ZNF454: variants seen among roughly 807,000 people sequenced by gnomAD.
ZNF454 encodes zinc finger protein 454.
In ZNF454, 30 loss-of-function variants were observed where a neutral mutation model predicts 48.2. The observed-to-expected ratio is 0.62, with a 90% CI of 0.47 to 0.84. The LOEUF is 0.84. ZNF454 is among the 40% of genes least tolerant of loss of function. ZNF454 has a pLI of 0.00. For missense variants in ZNF454, 510 were observed against 623.1 expected (o/e 0.82, Z 1.93); for synonymous variants, 204 against 211.4 (o/e 0.97, Z 0.30).
At chr5:178,959,268 A>G (rs1468434773) in intron 4 of ZNF454, among the ~76,000 whole-genome samples, 7 of 152,138 alleles carry the variant, frequency 4.6e-5, no homozygotes, top group African/African-American at 1.7e-4. Context: ...GTCATATATG[A>G]GGTGACTGCA....
the ZNF454 span, chr5:178,982,692 TA>T: frequency 0.24 from 103,890 of 430,602 alleles, 7,970 homozygotes; most frequent in Non-Finnish European, 0.29. Flanking sequence ...ATGAAAATGA[TA>T]AAAAAAAAAA....
chr5:178,983,920 T>C, the ZNF454 span, among the ~76,000 whole-genome samples: 6,505 of 152,186 alleles, frequency 0.043, 230 homozygotes, highest in East Asian at 0.15. Flanking sequence ...GAGCGCCTGA[T>C]TGGGGGCAGG....
At chr5:178,974,119 A>G in the ZNF454 span, among the ~76,000 whole-genome samples, 1 of 152,124 alleles carries the variant, frequency 6.6e-6, no homozygotes, top group African/African-American at 2.4e-5. Context: ...GTTAGAGAGA[A>G]ACTGGATCTT....
At chr5:178,948,580 C>T (rs1759428201) in intron 4 of ZNF454, among the ~76,000 whole-genome samples, 1 of 152,124 alleles carries the variant, frequency 6.6e-6, no homozygotes, top group Non-Finnish European at 1.5e-5. Flanking sequence ...AAGGTACAGC[C>T]AACCACAGTT....
chr5:178,984,239 C>T, the ZNF454 span, among the ~76,000 whole-genome samples: 4 of 152,080 alleles, frequency 2.6e-5, no homozygotes, highest in Admixed American at 2.6e-4. Flanking sequence ...ACAGCGGTAA[C>T]CACCAAAACG....
At chr5:178,989,211 A>AGCCCC in the ZNF454 span, 1 of 121,724 alleles carries the variant, frequency 8.2e-6, no homozygotes, top group Non-Finnish European at 1.3e-5. Flanking sequence ...CCCCCTCCCC[A>AGCCCC]CCCTCACCAC....
At chr5:178,989,068 C>T in the ZNF454 span, 42 of 1,613,878 alleles carry the variant, frequency 2.6e-5, no homozygotes, top group South Asian at 1.3e-4. Flanking sequence ...TGGCGTACAC[C>T]GCATCAATCA....
intron 4 of ZNF454, among the ~76,000 whole-genome samples, chr5:178,947,519 C>T: frequency 6.6e-6 from 1 of 152,174 alleles, no homozygotes; most frequent in East Asian, 1.9e-4. Flanking sequence ...TGCCATGGAG[C>T]CCAGGTTATT....
chr5:178,943,403 C>T (rs1467583613), intron 2 of ZNF454, among the ~76,000 whole-genome samples: 2 of 152,168 alleles, frequency 1.3e-5, no homozygotes, highest in African/African-American at 4.8e-5. Flanking sequence ...CGAGAATTCA[C>T]TCATCACCAA....
At chr5:178,987,132 C>T in the ZNF454 span, 2 of 798,436 alleles carry the variant, frequency 2.5e-6, no homozygotes, top group Non-Finnish European at 4.2e-6. Flanking sequence ...CAGGGAGATC[C>T]CCCTTCACCC....
chr5:178,967,736 CTTTTTCTTTT>C (rs1760184649), downstream of ZNF454, among the ~76,000 whole-genome samples: 48 of 67,858 alleles, frequency 7.1e-4, no homozygotes, highest in African/African-American at 2.1e-3. Context: ...TTTTCTTTTT[CTTTTTCTTTT>C]TTTTTTTTTT....
At chr5:178,955,864 C>T (rs1759726428) in intron 4 of ZNF454, among the ~76,000 whole-genome samples, 1 of 152,130 alleles carries the variant, frequency 6.6e-6, no homozygotes, top group Non-Finnish European at 1.5e-5. Context: ...TCTTTGGTGG[C>T]TTACAGATTG....
chr5:178,960,352 G>C (rs746493840), intron 4 of ZNF454, among the ~76,000 whole-genome samples: 1 of 151,018 alleles, frequency 6.6e-6, no homozygotes, highest in South Asian at 2.1e-4. Context: ...CCACCTCCCC[G>C]GTTCAAGCGA....
Position 178,965,195 on chromosome 5 carries a change from A to G in ZNF454, c.791A>G (p.Lys264Arg). Residue 264 changes from lysine to arginine, a missense_variant, in exon 5 of 5, where the codon AAA becomes AGA. Physicochemically the swap from Lys to Arg is conservative, Grantham distance 26. Coordinates refer to ENST00000519564, the MANE Select transcript of ZNF454 (RefSeq NM_001178089.3). This position sits in a 1 kb window ranked among gnomAD's most constrained non-coding sequence, Gnocchi z 5.2. Reference sequence around the variant, plus strand: ...AGCTCCTCACTTACGTACCATCAGAAAATTCATACTGGAGAGAAGCCTTTT... The same window carrying G: ...AGCTCCTCACTTACGTACCATCAGAGAATTCATACTGGAGAGAAGCCTTTT... ...SVSSSLTYHQ[K>R]IHTGEKPFEC... is the part of the protein sequence containing the mutation. The G allele has an allele frequency of 6.2e-7, 1 of 1,614,090 alleles. No individual in the cohort carries two copies. The highest frequency in any genetic ancestry group is 8.5e-7 in the Non-Finnish European group (1 of 1,180,010).
chr5:178,987,022 C>T, the ZNF454 span: 10 of 1,604,146 alleles, frequency 6.2e-6, no homozygotes, highest in South Asian at 1.1e-5. Flanking sequence ...GTCCTCCAGC[C>T]CAGCAGAGCT....
At chr5:178,966,595 T>C (rs1056471230), downstream of ZNF454, among the ~76,000 whole-genome samples, 9 of 152,152 alleles carry the variant, frequency 5.9e-5, no homozygotes, top group Admixed American at 2.6e-4. Flanking sequence ...ATTTTGACTA[T>C]TAGAGAAACT....
chr5:178,952,872 G>C (rs1759613127), intron 4 of ZNF454, among the ~76,000 whole-genome samples: 1 of 151,404 alleles, frequency 6.6e-6, no homozygotes, highest in Non-Finnish European at 1.5e-5. Context: ...GTTCTTCACT[G>C]TTTCCTTCAA....
chr5:178,985,904 G>A, the ZNF454 span: 23 of 580,256 alleles, frequency 4.0e-5, no homozygotes, highest in Non-Finnish European at 6.2e-5. Flanking sequence ...TAGGACTACA[G>A]GCACGCACCA....
chr5:178,962,210 G>A (rs978373222), intron 4 of ZNF454, among the ~76,000 whole-genome samples: 3 of 150,792 alleles, frequency 2.0e-5, no homozygotes, highest in Admixed American at 6.7e-5. Flanking sequence ...TGTCTTCTGG[G>A]TTCCATTGTT....
Sources: gnomAD v4.1 joint callset for allele counts (sites outside exome capture counted in the v4.1 genomes callset) on GRCh38, gnomAD v4.1.1 for gene constraint, Gnocchi (gnomAD v3.1) non-coding constraint, MANE v1.5 for transcripts, NCBI Gene and HGNC (gene_info 2026-07-23, HGNC 2026-07-21) for gene names.